Variants in ITSN1 observed in about 807,000 individuals in gnomAD.
ITSN1 encodes intersectin-1.
A neutral mutation model predicts 239.8 loss-of-function variants in ITSN1; 58 were observed. The observed-to-expected ratio is 0.24, with a 90% CI of 0.20 to 0.30. The LOEUF (loss-of-function observed/expected upper bound fraction) is 0.30. ITSN1 is among the 10% of genes least tolerant of loss of function. The pLI, the probability that ITSN1 is intolerant of heterozygous loss-of-function variation, is 1.00. For missense variants in ITSN1, 1,558 were observed against 2,103.3 expected, an observed-to-expected ratio of 0.74 and a Z score of 5.07; for synonymous variants, 780 against 770.8, an observed-to-expected ratio of 1.01 and a Z score of -0.20.
intron 6 of ITSN1, among the ~76,000 whole-genome samples, chr21:33,751,455 T>TG (rs2067550686): frequency 6.6e-6 from 1 of 152,230 alleles, no homozygotes; most frequent in Non-Finnish European, 1.5e-5. Flanking sequence ...AACTAATACT[T>TG]CAGCTCCTTC....
chr21:33,867,655 A>AG (rs1981854924), intron 33 of ITSN1, among the ~76,000 whole-genome samples: 2 of 136,012 alleles, frequency 1.5e-5, no homozygotes, highest in South Asian at 4.9e-4. Flanking sequence ...AAAAAAAAAA[A>AG]AGAGAGCTAA....
chr21:33,782,092 T>A lies in ITSN1; in HGVS notation c.1783T>A (p.Ser595Thr), dbSNP rs781488270. The change falls in exon 16 of 40, where the codon TCA becomes ACA. Residue 595 changes from serine to threonine, a missense_variant. Ser to Thr is a moderately conservative substitution (Grantham distance 58, BLOSUM62 1). Coordinates refer to ENST00000381318, the MANE Select transcript of ITSN1 (RefSeq NM_003024.3). The stretch of plus-strand genomic sequence containing the variant: ...GGATGAAGTGGAGAAAGAAACTAGA[T>A]CAAAACTACAGGAGATTGATATTTT... ...QLDEVEKETRSKLQEIDIFNN... is the reference protein window; with the variant it reads ...QLDEVEKETRTKLQEIDIFNN... 11 of 1,613,780 alleles carry A rather than the reference T, an allele frequency of 6.8e-6. No homozygotes were observed. The Admixed American group carries it at 1.8e-4, about 27-fold the overall frequency.
intron 4 of ITSN1, among the ~76,000 whole-genome samples, chr21:33,729,568 C>T (rs534082027): frequency 3.3e-5 from 5 of 152,096 alleles, no homozygotes; most frequent in Non-Finnish European, 5.9e-5. Flanking sequence ...AAGGACATGC[C>T]GGGAGGAAAT....
At chr21:33,817,162 C>A in intron 22 of ITSN1, 1 of 1,214,460 alleles carries the variant, frequency 8.2e-7, no homozygotes, top group Non-Finnish European at 1.1e-6. Flanking sequence ...TTACTAAATG[C>A]TTTAAGATAC....
Position 33,735,222 on chromosome 21 carries a change from T to C in ITSN1, c.346+18T>C, listed in dbSNP as rs763139805. On this transcript the variant is annotated intron_variant, in intron 5 of 39. Transcript: ENST00000381318. The stretch of plus-strand genomic sequence containing the variant: ...AGCATTTGGTAAGTCTGAAAATGAA[T>C]TGGTTTCTGTATTTTCTTGTATATT... 6.2e-7 allele frequency: 1 copy of C among 1,607,424 alleles called. No individual in the cohort carries two copies. The highest frequency in any genetic ancestry group is 2.2e-5 in the East Asian group (1 of 44,848).
intron 4 of ITSN1, among the ~76,000 whole-genome samples, chr21:33,732,662 A>C (rs2066261170): frequency 6.6e-6 from 1 of 152,188 alleles, no homozygotes; most frequent in Admixed American, 6.6e-5. Flanking sequence ...TAGTTATGTG[A>C]TTGTATACTT....
intron 26 of ITSN1, 39 bp downstream of exon 26, chr21:33,826,902 G>A (rs763546361): frequency 1.2e-5 from 19 of 1,527,826 alleles, no homozygotes; most frequent in Non-Finnish European, 1.6e-5. Flanking sequence ...TCAATGTTTT[G>A]AATGTAATTG....
chr21:33,664,874 A>T (rs749072853), intron 1 of ITSN1, among the ~76,000 whole-genome samples: 6 of 152,198 alleles, frequency 3.9e-5, no homozygotes, highest in Non-Finnish European at 7.4e-5. Flanking sequence ...TCTTTCCATC[A>T]TCTGGAAGCT....
At chr21:33,738,441 G>A (rs567094603) in intron 5 of ITSN1, among the ~76,000 whole-genome samples, 6 of 151,900 alleles carry the variant, frequency 3.9e-5, no homozygotes, top group African/African-American at 9.7e-5. Context: ...TCACTCTGTC[G>A]CCCAGGCTGG....
At chr21:33,857,047 C>A (rs1203636659) in intron 30 of ITSN1, among the ~76,000 whole-genome samples, 190 bp downstream of exon 30, 3 of 152,144 alleles carry the variant, frequency 2.0e-5, no homozygotes, top group African/African-American at 7.2e-5. Context: ...CCATGGCCAA[C>A]ATTGAGTCAT....
At chr21:33,762,063 T>C (rs2068372766) in intron 9 of ITSN1, 77 bp downstream of exon 9, 1 of 1,018,572 alleles carries the variant, frequency 9.8e-7, no homozygotes, top group Admixed American at 1.8e-5. Flanking sequence ...GGTTTTAGAT[T>C]AATACCGTTT....
chr21:33,821,956 T>A (rs1248869000), intron 24 of ITSN1, among the ~76,000 whole-genome samples: 1 of 152,220 alleles, frequency 6.6e-6, no homozygotes, highest in Non-Finnish European at 1.5e-5. Context: ...AGAATGACCC[T>A]ATTAAAGCCA....
intron 1 of ITSN1, among the ~76,000 whole-genome samples, chr21:33,653,946 A>G (rs1245562010): frequency 6.6e-6 from 1 of 152,128 alleles, no homozygotes. Context: ...ATGAGCCACC[A>G]TAACTTGTAT....
chr21:33,652,879 T>C (rs1212718635), intron 1 of ITSN1, among the ~76,000 whole-genome samples: 1 of 152,092 alleles, frequency 6.6e-6, no homozygotes, highest in Non-Finnish European at 1.5e-5. Context: ...CCAGATAATA[T>C]TAGTACTGTG....
intron 14 of ITSN1, among the ~76,000 whole-genome samples, chr21:33,778,571 CTTTTTTTTTT>C (rs397948229): frequency 4.2e-4 from 27 of 63,954 alleles, no homozygotes; most frequent in Admixed American, 1.3e-3. Context: ...ATAATATTCT[CTTTTTTTTTT>C]TTTTTTTTTT....
intron 1 of ITSN1, among the ~76,000 whole-genome samples, chr21:33,692,142 G>A (rs1384015331): frequency 6.6e-6 from 1 of 152,162 alleles, no homozygotes; most frequent in Non-Finnish European, 1.5e-5. Flanking sequence ...AGGAGGTTGC[G>A]GCTTCGTTGA....
At chr21:33,850,486 CT>C (rs1569300663) in intron 29 of ITSN1, among the ~76,000 whole-genome samples, 1 of 152,212 alleles carries the variant, frequency 6.6e-6, no homozygotes. Context: ...CTGATAACCG[CT>C]TGGAGTGATG....
intron 1 of ITSN1, among the ~76,000 whole-genome samples, chr21:33,712,742 G>A: frequency 6.6e-6 from 1 of 152,032 alleles, no homozygotes; most frequent in African/African-American, 2.4e-5. Flanking sequence ...CCATGGAAAG[G>A]AAACTTTTTA....
intron 1 of ITSN1, among the ~76,000 whole-genome samples, chr21:33,664,756 A>G (rs1454934730): frequency 1.3e-5 from 2 of 152,228 alleles, no homozygotes; most frequent in African/African-American, 4.8e-5. Flanking sequence ...TATTATTCTT[A>G]TCACCTGTGA....
Sources: allele counts gnomAD v4.1 joint callset (sites outside exome capture counted in the v4.1 genomes callset), GRCh38; gene constraint gnomAD v4.1.1; transcripts MANE v1.5; gene names NCBI Gene and HGNC (gene_info 2026-07-23, HGNC 2026-07-21).